PDE11A: variants seen among roughly 807,000 people sequenced by gnomAD.
The protein encoded by PDE11A is dual 3',5'-cyclic-AMP and -GMP phosphodiesterase 11A.
Under a neutral mutation model 100.5 loss-of-function variants are expected in PDE11A, and 100 were observed. The observed-to-expected ratio is 1.00, with a 90% CI of 0.85 to 1.18. The LOEUF is 1.18. PDE11A is among the 50% of genes most tolerant of loss of function. The probability of loss-of-function intolerance (pLI) is 0.00; values close to 1 mark genes in which losing one functional copy is unlikely to be tolerated. For missense variants in PDE11A, 1,141 were observed against 1,152.6 expected (o/e 0.99, Z 0.15); for synonymous variants, 381 against 420.8 (o/e 0.91, Z 1.16).
At chr2:177,789,870 C>G (rs1371612798) in intron 9 of PDE11A, among the ~76,000 whole-genome samples, 2 of 152,086 alleles carry the variant, frequency 1.3e-5, no homozygotes, top group Non-Finnish European at 2.9e-5. Flanking sequence ...CTACAAACCA[C>G]TGCTCAATGA....
rs192944404 is a variant in PDE11A, at chr2:177,654,375, G to A, written c.2646+9491C>T. On this transcript the variant is annotated intron_variant, in intron 19 of 19. Transcript: ENST00000286063. ...TCTCTATGAAAATACAGAAAAATTAGTCAGGTGTGGTGGCGTGTGCCTATA... is the reference window on the plus strand; with the variant it reads ...TCTCTATGAAAATACAGAAAAATTAATCAGGTGTGGTGGCGTGTGCCTATA... Among the ~76,000 whole-genome samples the A allele has an allele frequency of 8.9e-4, 136 of 152,272 alleles. 1 individual carries two copies. Among genetic ancestry groups the A allele is most frequent in the Non-Finnish European group, 2.4e-4 (16 of 68,014 alleles).
intron 2 of PDE11A, among the ~76,000 whole-genome samples, chr2:178,004,880 G>T (rs1171082818): frequency 6.6e-6 from 1 of 152,102 alleles, no homozygotes; most frequent in Non-Finnish European, 1.5e-5. Context: ...AACTTCCCCA[G>T]TTCAGGGGAT....
At chr2:178,019,652 T>C (rs756965321) in intron 1 of PDE11A, among the ~76,000 whole-genome samples, 2 of 152,176 alleles carry the variant, frequency 1.3e-5, no homozygotes, top group African/African-American at 4.8e-5. Flanking sequence ...GAAATTTTGG[T>C]GGTCCAGGTA....
chr2:177,754,636 G>A (rs1001158594), intron 10 of PDE11A, among the ~76,000 whole-genome samples: 2 of 152,114 alleles, frequency 1.3e-5, no homozygotes, highest in Admixed American at 6.5e-5. Context: ...CACAGTATGC[G>A]GTCAGTGTCA....
At chr2:177,805,469 A>G (rs2082855943) in intron 9 of PDE11A, among the ~76,000 whole-genome samples, 1 of 152,124 alleles carries the variant, frequency 6.6e-6, no homozygotes, top group South Asian at 2.1e-4. Context: ...CCAGAAAAGG[A>G]GTAAAATAAA....
chr2:177,780,377 C>T (rs2082437321), intron 9 of PDE11A, among the ~76,000 whole-genome samples: 1 of 152,176 alleles, frequency 6.6e-6, no homozygotes, highest in African/African-American at 2.4e-5. Flanking sequence ...TACACCACCA[C>T]TTCTGGCTTG....
chr2:177,744,508 G>A (rs967000105), intron 10 of PDE11A, among the ~76,000 whole-genome samples: 6 of 152,208 alleles, frequency 3.9e-5, no homozygotes, highest in African/African-American at 1.4e-4. Context: ...GCCATGAGGT[G>A]TAGGAGGTCA....
chr2:177,893,159 T>A (rs1320352600), intron 4 of PDE11A, among the ~76,000 whole-genome samples: 2 of 152,210 alleles, frequency 1.3e-5, no homozygotes, highest in African/African-American at 4.8e-5. Context: ...AATGGGATAG[T>A]CTAGGGCTTC....
At chr2:177,998,659 C>T in intron 2 of PDE11A, 1 of 1,235,450 alleles carries the variant, frequency 8.1e-7, no homozygotes, top group South Asian at 1.2e-5. Flanking sequence ...TCCTTAGTAC[C>T]ACCTTTCACA....
intron 1 of PDE11A, among the ~76,000 whole-genome samples, chr2:178,062,541 T>G (rs1332707887): frequency 6.6e-6 from 1 of 152,160 alleles, no homozygotes; most frequent in Non-Finnish European, 1.5e-5. Context: ...AAATCTGGAC[T>G]GGTTTCTTGA....
At chr2:177,969,285 AG>A (rs2085738693) in intron 2 of PDE11A, among the ~76,000 whole-genome samples, 1 of 152,094 alleles carries the variant, frequency 6.6e-6, no homozygotes, top group Non-Finnish European at 1.5e-5. Flanking sequence ...AGGCAAGGGG[AG>A]GGATAGCATT....
intron 2 of PDE11A, chr2:177,997,504 ATT>A (rs1334404584): frequency 1.2e-6 from 1 of 807,616 alleles, no homozygotes. Context: ...AAACATTGAT[ATT>A]GTTTGTTGCT....
chr2:177,905,113 TTC>T lies in PDE11A; in HGVS notation c.1144_1145del (p.Glu382IlefsTer2). Reference sequence around the variant, plus strand: ...ATTTACTCACTCTGCTTCTTTCATATTCTTTCCTTGAGGCAGCAAAGAGCTGA... The same window carrying T: ...ATTTACTCACTCTGCTTCTTTCATATTTTCCTTGAGGCAGCAAAGAGCTGA... ...NAQLFAASRK[E>X]YERSRALLEV... On this transcript the variant is annotated frameshift_variant, in exon 3 of 20. Coordinates refer to ENST00000286063, the MANE Select transcript of PDE11A (RefSeq NM_016953.4). LOFTEE classifies it high-confidence loss of function. The T allele has an allele frequency of 6.3e-7, 1 of 1,591,390 alleles. No individual in the cohort carries two copies. The highest frequency in any genetic ancestry group is 8.6e-7 in the Non-Finnish European group (1 of 1,159,270).
intron 5 of PDE11A, among the ~76,000 whole-genome samples, chr2:177,867,266 A>G (rs1234886160): frequency 1.3e-5 from 2 of 152,218 alleles, no homozygotes; most frequent in Non-Finnish European, 2.9e-5. Context: ...TCTGATTCCC[A>G]AAAGCTTCAC....
At chr2:177,955,932 T>C (rs2105785848) in intron 2 of PDE11A, among the ~76,000 whole-genome samples, 1 of 152,264 alleles carries the variant, frequency 6.6e-6, no homozygotes, top group African/African-American at 2.4e-5. Context: ...AAGACTTAAA[T>C]GTTAGACCTA....
At chr2:177,768,181 C>A (rs1483694875) in intron 10 of PDE11A, among the ~76,000 whole-genome samples, 2 of 152,298 alleles carry the variant, frequency 1.3e-5, no homozygotes, top group South Asian at 2.1e-4. Flanking sequence ...GTGTTTGGAA[C>A]AAACATCTTC....
Position 177,845,360 on chromosome 2 carries a change from G to A in PDE11A, c.1368-4977C>T, listed in dbSNP as rs1427613245. ...CTCCTCACCTCCCAGATGGGGTCTC[G>A]GCCGGGCAGAGGCGCTCCTCACATC... On this transcript the variant is annotated intron_variant, in intron 5 of 19. Coordinates refer to ENST00000286063, the MANE Select transcript of PDE11A (RefSeq NM_016953.4). Among the ~76,000 whole-genome samples the A allele has an allele frequency of 6.0e-5, 9 of 149,374 alleles. No individual in the cohort carries two copies. The South Asian group carries it at 6.4e-4, about 11-fold the overall frequency.
At chr2:178,096,164 C>CTTTTTTTTTTTTTTTTTT (rs1257178630) in intron 2 of PDE11A, among the ~76,000 whole-genome samples, 69 of 110,230 alleles carry the variant, frequency 6.3e-4, no homozygotes, top group South Asian at 9.4e-4. Flanking sequence ...TTTTTCTTTT[C>CTTTTTTTTTTTTTTTTTT]TTTTCTTTTT....
rs1334112550 is a variant in PDE11A at position 178,007,958 on chromosome 2, G to A, written c.1071+6344C>T. 4.6e-5 allele frequency among the ~76,000 whole-genome samples: 7 copies of A among 151,878 alleles called. No homozygotes were observed. The South Asian group carries it at 6.2e-4, about 14-fold the overall frequency. ...CCTGACCTTGTGATCTGCCTGCCTC[G>A]GCCTCCTAAAGTGCTCAAATTACAG... On this transcript the variant is annotated intron_variant, in intron 2 of 19. Coordinates refer to ENST00000286063, the MANE Select transcript of PDE11A (RefSeq NM_016953.4).
Sources: allele counts gnomAD v4.1 joint callset (sites outside exome capture counted in the v4.1 genomes callset), GRCh38; gene constraint gnomAD v4.1.1; transcripts MANE v1.5; gene names NCBI Gene and HGNC (gene_info 2026-07-23, HGNC 2026-07-21).